PCM1: variants seen among roughly 807,000 people sequenced by gnomAD.
PCM1 encodes the protein pericentriolar material 1, also known as pericentriolar material 1 protein.
PCM1 carries 157 observed loss-of-function variants against 241.9 expected under a neutral mutation model. That is an observed-to-expected ratio of 0.65 (90% CI 0.57 to 0.74). The LOEUF (loss-of-function observed/expected upper bound fraction) is 0.74. Among genes scored for constraint, PCM1 ranks in the 30% least tolerant of loss-of-function variants. The probability of loss-of-function intolerance (pLI) is 0.00; values close to 1 mark genes in which losing one functional copy is unlikely to be tolerated. For synonymous variants in PCM1, 1,085 were observed against 784.9 expected, an observed-to-expected ratio of 1.38 and a Z score of -6.39; for missense variants, 3,478 against 2,360.1, an observed-to-expected ratio of 1.47 and a Z score of -9.81.
chr8:17,942,000 GT>G (rs376142276), intron 6 of PCM1, among the ~76,000 whole-genome samples: 6 of 151,280 alleles, frequency 4.0e-5, no homozygotes, highest in African/African-American at 9.7e-5. Context: ...GTCCCTTACT[GT>G]TTTTTTTCTA....
intron 18 of PCM1, 57 bp downstream of exon 18, chr8:17,964,825 T>A (rs758896601): frequency 8.4e-6 from 11 of 1,315,872 alleles, no homozygotes; most frequent in African/African-American, 1.4e-5. Context: ...TCTTTTTGAC[T>A]GACAGCAAGC....
chr8:18,017,794 C>T (rs35706905), intron 36 of PCM1, among the ~76,000 whole-genome samples: 20,666 of 152,000 alleles, frequency 0.14, 2,086 homozygotes, highest in African/African-American at 0.29. Flanking sequence ...TGGAGGTTGT[C>T]GTGAGCCAAA....
Position 18,014,589 on chromosome 8 carries a change from C to A in PCM1, c.5590C>A (p.Gln1864Lys). 1 of 1,596,738 alleles carries A rather than the reference C, an allele frequency of 6.3e-7. No individual in the cohort carries two copies. Among genetic ancestry groups the A allele is most frequent in the Admixed American group, 1.7e-5 (1 of 58,598 alleles). The change falls in exon 36 of 39, where the codon CAA (glutamine) becomes AAA (lysine). Residue 1864 changes from glutamine to lysine, a missense_variant. Gln to Lys is a moderately conservative substitution (Grantham distance 53, BLOSUM62 1). Coordinates refer to ENST00000325083, the MANE Select transcript of PCM1 (RefSeq NM_006197.4). The part of the protein sequence containing the change: ...LEREATSKND[Q>K]NNCPVKPCYL... The stretch of plus-strand genomic sequence containing the variant: ...AGACTTTCTTTTGATGACAGATGAC[C>A]AAAATAACTGTCCTGTGAAACCCTG...
intron 21 of PCM1, among the ~76,000 whole-genome samples, chr8:17,968,959 A>G (rs1258162158): frequency 6.6e-6 from 1 of 152,024 alleles, no homozygotes; most frequent in Non-Finnish European, 1.5e-5. Context: ...TACCCACACC[A>G]ACTCTATATA....
chr8:17,931,595 A>G (rs956300650), intron 2 of PCM1, among the ~76,000 whole-genome samples: 5 of 152,164 alleles, frequency 3.3e-5, no homozygotes, highest in African/African-American at 1.2e-4. Context: ...TCATTATTCT[A>G]TTAATAGAAA....
At chr8:17,964,469 T>G in intron 17 of PCM1, 99 bp from the exon 18 acceptor site, 2 of 810,606 alleles carry the variant, frequency 2.5e-6, no homozygotes, top group Non-Finnish European at 3.9e-6. Context: ...TATACAGACA[T>G]GTATATGTAT....
In PCM1 at chr8:18,014,603, T is replaced by C. The variant is rs2092943684; in HGVS notation, c.5604T>C (p.Pro1868=). Residue 1868 remains proline, a synonymous_variant, in exon 36 of 39, where the codon CCT becomes CCC. Transcript: ENST00000325083. ...ATSKNDQNNC[P]VKPCYLNILE... ...TGACAGATGACCAAAATAACTGTCCTGTGAAACCCTGTTACCTCAATATCT... is the reference window on the plus strand; with the variant it reads ...TGACAGATGACCAAAATAACTGTCCCGTGAAACCCTGTTACCTCAATATCT... 1.9e-6 allele frequency: 3 copies of C among 1,608,400 alleles called. No individual in the cohort carries two copies. The highest frequency in any genetic ancestry group is 4.5e-5 in the East Asian group (2 of 44,806).
At chr8:17,957,081 C>G (rs1473473727) in intron 11 of PCM1, among the ~76,000 whole-genome samples, 183 bp from the exon 12 acceptor site, 3 of 152,010 alleles carry the variant, frequency 2.0e-5, no homozygotes, top group South Asian at 4.1e-4. Flanking sequence ...AGATGTTTTT[C>G]TACTTAAATA....
At chr8:17,933,451 G>C (rs1405639797) in intron 2 of PCM1, among the ~76,000 whole-genome samples, 2 of 152,056 alleles carry the variant, frequency 1.3e-5, no homozygotes, top group African/African-American at 4.8e-5. Flanking sequence ...ATTTTGTCAA[G>C]TTCTAAGGAG....
At chr8:17,964,831 C>T in intron 18 of PCM1, 63 bp downstream of exon 18, 1 of 1,231,916 alleles carries the variant, frequency 8.1e-7, no homozygotes, top group East Asian at 2.3e-5. Context: ...TGACTGACAG[C>T]AAGCACTTCT....
intron 6 of PCM1, among the ~76,000 whole-genome samples, chr8:17,942,744 C>G (rs1217891133): frequency 6.6e-6 from 1 of 152,072 alleles, no homozygotes; most frequent in Non-Finnish European, 1.5e-5. Flanking sequence ...GCCTGTAATC[C>G]CAGCACTTTG....
intron 29 of PCM1, among the ~76,000 whole-genome samples, chr8:18,004,352 G>C (rs953392906): frequency 6.6e-6 from 1 of 152,148 alleles, no homozygotes; most frequent in East Asian, 1.9e-4. Flanking sequence ...AAAGTGGCTA[G>C]TGACACTCAT....
chr8:18,025,449 C>A lies in PCM1; in HGVS notation c.5930C>A (p.Ser1977Ter). 1 of 1,573,974 alleles carries A rather than the reference C, an allele frequency of 6.4e-7. No individual in the cohort carries two copies. The highest frequency in any genetic ancestry group is 8.7e-7 in the Non-Finnish European group (1 of 1,147,708). ...EDLPLKLTIY[S>*]EADLRKKMVE... ...TTACCACTGAAACTGACAATATATT[C>A]AGAGGTATTTAGCTGTCTTTAATTA... is the stretch of plus-strand genomic sequence containing the variant. The change falls in exon 37 of 39, where the codon TCA becomes TAA. Residue 1977 changes from serine (S) to a stop codon, truncating the protein, a stop_gained. Transcript: ENST00000325083. LOFTEE classifies it high-confidence loss of function.
chr8:18,004,527 T>C (rs1013940883), intron 29 of PCM1, among the ~76,000 whole-genome samples: 5 of 151,986 alleles, frequency 3.3e-5, no homozygotes, highest in Non-Finnish European at 7.4e-5. Context: ...AATGAAATAA[T>C]AAATACTAAT....
intron 29 of PCM1, among the ~76,000 whole-genome samples, chr8:18,004,235 C>T (rs1024037748): frequency 3.3e-5 from 5 of 152,080 alleles, no homozygotes; most frequent in Non-Finnish European, 5.9e-5. Flanking sequence ...CACCTTGAGT[C>T]TGTGAAATGT....
intron 32 of PCM1, 43 bp downstream of exon 32, chr8:18,010,711 G>T (rs535095507): frequency 3.5e-6 from 5 of 1,409,722 alleles, no homozygotes; most frequent in South Asian, 2.5e-5. Flanking sequence ...GGCTGGGCGC[G>T]GTGGCTCACC....
intron 24 of PCM1, among the ~76,000 whole-genome samples, chr8:17,983,932 C>T (rs1188523259): frequency 1.3e-5 from 2 of 152,034 alleles, no homozygotes; most frequent in African/African-American, 4.8e-5. Flanking sequence ...CTGAATATAT[C>T]AGTGGCACTT....
chr8:17,973,958 A>G (rs777303051), intron 23 of PCM1, among the ~76,000 whole-genome samples: 2 of 152,202 alleles, frequency 1.3e-5, no homozygotes, highest in African/African-American at 4.8e-5. Context: ...CACAGATACA[A>G]GAGAATATTG....
chr8:18,010,645 G>A lies in PCM1; in HGVS notation c.5197G>A (p.Gly1733Arg), dbSNP rs1332297703. 2 of 1,603,546 alleles carry A rather than the reference G, an allele frequency of 1.2e-6. No individual in the cohort carries two copies. Among genetic ancestry groups the A allele is most frequent in the Non-Finnish European group, 1.7e-6 (2 of 1,175,000 alleles). Residue 1733 changes from glycine (G) to arginine (R), a missense_variant, in exon 32 of 39, where the codon GGA (glycine) becomes AGA (arginine). Coordinates refer to ENST00000325083, the MANE Select transcript of PCM1 (RefSeq NM_006197.4). ...TCTTGAAGATCATGGCTCACCTGCTGGAGAGATTGATGATGAAGACAAAGT... is the reference window on the plus strand; with the variant it reads ...TCTTGAAGATCATGGCTCACCTGCTAGAGAGATTGATGATGAAGACAAAGT... Reference protein sequence around the residue: ...RILEDHGSPAGEIDDEDKDKD... With the variant: ...RILEDHGSPAREIDDEDKDKD...
Sources: gnomAD v4.1 joint callset for allele counts (sites outside exome capture counted in the v4.1 genomes callset) on GRCh38, gnomAD v4.1.1 for gene constraint, MANE v1.5 for transcripts, NCBI Gene and HGNC (gene_info 2026-07-23, HGNC 2026-07-21) for gene names.